Variants in KIRREL3 observed in about 807,000 individuals in gnomAD.
KIRREL3 encodes kin of IRRE-like protein 3.
KIRREL3 carries 36 observed loss-of-function variants against 89.7 expected under a neutral mutation model. The ratio of observed to expected loss-of-function variants is 0.40; its 90% CI spans 0.31 to 0.53. The LOEUF (loss-of-function observed/expected upper bound fraction) is 0.53. KIRREL3 is among the 20% of genes least tolerant of loss of function. The pLI, the probability that KIRREL3 is intolerant of heterozygous loss-of-function variation, is 0.49. For missense variants in KIRREL3, 864 were observed against 1,056.6 expected, an observed-to-expected ratio of 0.82 and a Z score of 2.53; for synonymous variants, 445 against 441.4, an observed-to-expected ratio of 1.01 and a Z score of -0.10.
In KIRREL3 at chr11:126,541,976, C is replaced by G. The variant is rs377546442; in HGVS notation, c.134-15289G>C. Among the ~76,000 whole-genome samples, 1 of 152,312 alleles carries G rather than the reference C, an allele frequency of 6.6e-6. No individual in the cohort carries two copies. Among genetic ancestry groups the G allele is most frequent in the East Asian group, 1.9e-4 (1 of 5,192 alleles). On this transcript the variant is annotated intron_variant, in intron 2 of 16. Coordinates refer to ENST00000525144, the MANE Select transcript of KIRREL3 (RefSeq NM_032531.4). The surrounding 1 kb of genome is among the most constrained non-coding windows in gnomAD (Gnocchi z 4.8). Reference sequence around the variant, plus strand: ...AACGGTGGAGGCAGAGCTGAGGCAGCGCGGGAAGGACCGAGTCCTGCCCTC... The same window carrying G: ...AACGGTGGAGGCAGAGCTGAGGCAGGGCGGGAAGGACCGAGTCCTGCCCTC...
rs1026295953 is a variant in KIRREL3, at chr11:126,463,478, C to A, written c.592-171G>T. On this transcript the variant is annotated intron_variant, in intron 5 of 16. Transcript: ENST00000525144. This position sits in a 1 kb window ranked among gnomAD's most constrained non-coding sequence, Gnocchi z 5.9. Reference sequence around the variant, plus strand: ...GTCTACGCAGAGCTCGGGGGTTACCCCCTGGCTCCCTGGCCTGGCTAAGTG... The same window carrying A: ...GTCTACGCAGAGCTCGGGGGTTACCACCTGGCTCCCTGGCCTGGCTAAGTG... Among the ~76,000 whole-genome samples the A allele has an allele frequency of 6.6e-6, 1 of 152,160 alleles. No homozygotes were observed. The highest frequency in any genetic ancestry group is 1.5e-5 in the Non-Finnish European group (1 of 68,024).
At position 126,990,959 on chromosome 11, in the gene KIRREL3, T is replaced by C. The variant is rs905851930; in HGVS notation, c.55+9496A>G. 1.3e-5 allele frequency among the ~76,000 whole-genome samples: 2 copies of C among 152,208 alleles called. No individual in the cohort carries two copies. Among genetic ancestry groups the C allele is most frequent in the Non-Finnish European group, 2.9e-5 (2 of 68,036 alleles). The stretch of plus-strand genomic sequence containing the variant: ...TGAACCAACCGGGCCCCAGTGTTAC[T>C]CTGAAGCTGTCATTGCTCCCAGCAT... On this transcript the variant is annotated intron_variant, in intron 1 of 16. Coordinates refer to ENST00000525144, the MANE Select transcript of KIRREL3 (RefSeq NM_032531.4). This position sits in a 1 kb window ranked among gnomAD's most constrained non-coding sequence, Gnocchi z 6.3.
intron 1 of KIRREL3, among the ~76,000 whole-genome samples, chr11:126,634,921 G>C (rs1422993441): frequency 6.6e-6 from 1 of 152,138 alleles, no homozygotes; most frequent in Non-Finnish European, 1.5e-5. Flanking sequence ...AGTGTGGAGG[G>C]AGGGTATATG....
At chr11:126,760,244 CT>C (rs1191725909) in intron 1 of KIRREL3, among the ~76,000 whole-genome samples, 1 of 152,150 alleles carries the variant, frequency 6.6e-6, no homozygotes, top group Non-Finnish European at 1.5e-5. Context: ...CTCATGATTC[CT>C]ATTTATTGTT....
intron 1 of KIRREL3, among the ~76,000 whole-genome samples, chr11:126,933,471 A>G (rs73014682): frequency 2.7e-4 from 41 of 151,164 alleles, no homozygotes; most frequent in Non-Finnish European, 5.2e-4. Context: ...TTCAAATTCA[A>G]TATCAGATGC....
In KIRREL3 at chr11:126,565,730, T is replaced by G. The variant is rs1185088485; in HGVS notation, c.56-2818A>C. Among the ~76,000 whole-genome samples, 1 of 152,088 alleles carries G rather than the reference T, an allele frequency of 6.6e-6. No individual in the cohort carries two copies. The highest frequency in any genetic ancestry group is 1.5e-5 in the Non-Finnish European group (1 of 68,016). ...TAAATTAAAGGTCATTGGGTTCACA[T>G]GAGTGTGCCAGCAGGGAGTGAAGTG... On this transcript the variant is annotated intron_variant, in intron 1 of 16. Coordinates refer to ENST00000525144, the MANE Select transcript of KIRREL3 (RefSeq NM_032531.4). This position sits in a 1 kb window ranked among gnomAD's most constrained non-coding sequence, Gnocchi z 5.4.
At chr11:126,914,472 G>T (rs1441607079) in intron 1 of KIRREL3, among the ~76,000 whole-genome samples, 2 of 152,232 alleles carry the variant, frequency 1.3e-5, no homozygotes, top group Non-Finnish European at 2.9e-5. Context: ...CATACAGATT[G>T]TGAGGACACT....
chr11:126,804,596 G>A (rs1013852848), intron 1 of KIRREL3, among the ~76,000 whole-genome samples: 2 of 152,188 alleles, frequency 1.3e-5, no homozygotes, highest in African/African-American at 2.4e-5. Context: ...GGTTGGGGAG[G>A]AGGAGGAAGT....
At chr11:126,554,130 G>A (rs1379954304) in intron 2 of KIRREL3, among the ~76,000 whole-genome samples, 1 of 152,162 alleles carries the variant, frequency 6.6e-6, no homozygotes, top group Non-Finnish European at 1.5e-5. Flanking sequence ...CAGGCAGCAT[G>A]ATCCTCTAGA....
rs943550605 is a variant in KIRREL3 at position 126,561,499 on chromosome 11, T to G, written c.133+1336A>C. The stretch of plus-strand genomic sequence containing the variant: ...TTCAGCACCACGGACAGAGGCACGC[T>G]GTCAGTTCCCACAAATTAGAAGTTA... On this transcript the variant is annotated intron_variant, in intron 2 of 16. Transcript: ENST00000525144. The surrounding 1 kb of genome is among the most constrained non-coding windows in gnomAD (Gnocchi z 4.5). Among the ~76,000 whole-genome samples, 1 of 152,154 alleles carries G rather than the reference T, an allele frequency of 6.6e-6. No individual in the cohort carries two copies.
chr11:126,986,906 C>T (rs919241328), intron 1 of KIRREL3, among the ~76,000 whole-genome samples: 2 of 152,190 alleles, frequency 1.3e-5, no homozygotes, highest in African/African-American at 4.8e-5. Flanking sequence ...CATAAGGAAG[C>T]AAGACTCAGC....
intron 1 of KIRREL3, among the ~76,000 whole-genome samples, chr11:126,779,603 C>T (rs1950266480): frequency 6.6e-6 from 1 of 152,124 alleles, no homozygotes; most frequent in Admixed American, 6.5e-5. Context: ...AGAATCAGGA[C>T]ATTTTAAAAT....
In KIRREL3 at chr11:126,571,843, C is replaced by T. The variant is rs748993272; in HGVS notation, c.56-8931G>A. On this transcript the variant is annotated intron_variant, in intron 1 of 16. Coordinates refer to ENST00000525144, the MANE Select transcript of KIRREL3 (RefSeq NM_032531.4). This position sits in a 1 kb window ranked among gnomAD's most constrained non-coding sequence, Gnocchi z 7.7. Reference sequence around the variant, plus strand: ...TCCCATGTGCAAGGATGCCTCAGCCCGTCTCTGATTTAACGTATCTAATTC... The same window carrying T: ...TCCCATGTGCAAGGATGCCTCAGCCTGTCTCTGATTTAACGTATCTAATTC... Among the ~76,000 whole-genome samples the T allele has an allele frequency of 8.5e-5, 13 of 152,138 alleles. No homozygotes were observed. Among genetic ancestry groups the T allele is most frequent in the African/African-American group, 2.2e-4 (9 of 41,422 alleles).
rs1946716094 is a variant in KIRREL3 at position 126,909,342 on chromosome 11, G to A, written c.55+91113C>T. Among the ~76,000 whole-genome samples, 1 of 152,204 alleles carries A rather than the reference G, an allele frequency of 6.6e-6. No homozygotes were observed. Among genetic ancestry groups the A allele is most frequent in the Non-Finnish European group, 1.5e-5 (1 of 68,030 alleles). On this transcript the variant is annotated intron_variant, in intron 1 of 16. Transcript: ENST00000525144. This position sits in a 1 kb window ranked among gnomAD's most constrained non-coding sequence, Gnocchi z 4.5. ...TGTGGACTTCTTCACTAGCCTGAGA[G>A]TTCCTCAAGGCAAGAGAGCAAGGAC...
chr11:126,521,385 G>A lies in KIRREL3; in HGVS notation c.363C>T (p.Asp121=), dbSNP rs753011306. The A allele has an allele frequency of 9.6e-6, 15 of 1,564,580 alleles. No individual in the cohort carries two copies. Among genetic ancestry groups the A allele is most frequent in the South Asian group, 9.4e-5 (8 of 84,820 alleles). The part of the protein sequence containing the change: ...HLKILRAELQ[D]DAVYECQAIQ... The stretch of plus-strand genomic sequence containing the variant: ...TGGCCTGGCACTCGTACACCGCATC[G>A]TCTTGCAGCTCTGCCCTCAGGATCT... Residue 121 remains aspartate, a synonymous_variant, in exon 4 of 17, where the codon GAC becomes GAT. Coordinates refer to ENST00000525144, the MANE Select transcript of KIRREL3 (RefSeq NM_032531.4). The surrounding 1 kb of genome is among the most constrained non-coding windows in gnomAD (Gnocchi z 4.1).
rs1403924681 is a variant in KIRREL3, at chr11:126,987,808, G to T, written c.55+12647C>A. Among the ~76,000 whole-genome samples, 1 of 152,292 alleles carries T rather than the reference G, an allele frequency of 6.6e-6. No individual in the cohort carries two copies. Among genetic ancestry groups the T allele is most frequent in the Non-Finnish European group, 1.5e-5 (1 of 68,018 alleles). On this transcript the variant is annotated intron_variant, in intron 1 of 16. Transcript: ENST00000525144. This position sits in a 1 kb window ranked among gnomAD's most constrained non-coding sequence, Gnocchi z 4.6. Reference sequence around the variant, plus strand: ...GTCAAAGAACTTTCATGTTTTGCTAGTTTATCATAAGTGTCTATCTTAAAC... The same window carrying T: ...GTCAAAGAACTTTCATGTTTTGCTATTTTATCATAAGTGTCTATCTTAAAC...
At chr11:126,792,864 A>G (rs1950689146) in intron 1 of KIRREL3, among the ~76,000 whole-genome samples, 1 of 152,196 alleles carries the variant, frequency 6.6e-6, no homozygotes, top group South Asian at 2.1e-4. Context: ...AAAGCTACCA[A>G]TAACAACAGC....
intron 1 of KIRREL3, among the ~76,000 whole-genome samples, chr11:126,680,227 G>GA (rs1946386485): frequency 6.6e-6 from 1 of 152,240 alleles, no homozygotes; most frequent in Non-Finnish European, 1.5e-5. Context: ...GAGGGCAACA[G>GA]AAAAAACAAA....
At chr11:126,846,978 TGAAAA>T (rs56187041) in intron 1 of KIRREL3, among the ~76,000 whole-genome samples, 128,823 of 151,856 alleles carry the variant, frequency 0.85, 54,844 homozygotes, top group East Asian at 1. Flanking sequence ...TTTCTTAGAG[TGAAAA>T]GAAAACCTGC....
Sources: allele counts gnomAD v4.1 joint callset (sites outside exome capture counted in the v4.1 genomes callset), GRCh38; gene constraint gnomAD v4.1.1; non-coding constraint Gnocchi (gnomAD v3.1); transcripts MANE v1.5; gene names NCBI Gene and HGNC (gene_info 2026-07-23, HGNC 2026-07-21).